The following ZW10 variants were observed in gnomAD, a reference collection of about 807,000 sequenced individuals.
The protein encoded by ZW10 is centromere/kinetochore protein zw10 homolog.
A neutral mutation model predicts 87.8 loss-of-function variants in ZW10; 53 were observed. That is an observed-to-expected ratio of 0.60 (90% CI 0.48 to 0.76). The LOEUF is 0.76. ZW10 is among the 30% of genes least tolerant of loss of function. The pLI, the probability that ZW10 is intolerant of heterozygous loss-of-function variation, is 0.00. For synonymous variants in ZW10, 312 were observed against 329.2 expected (o/e 0.95, Z 0.57); for missense variants, 837 against 923.0 (o/e 0.91, Z 1.21).
intron 7 of ZW10, among the ~76,000 whole-genome samples, chr11:113,750,322 A>C (rs1424939585): frequency 6.9e-6 from 1 of 145,576 alleles, no homozygotes; most frequent in Non-Finnish European, 1.5e-5. Flanking sequence ...TTTTTTTTTG[A>C]GATGAAGTTT....
chr11:113,750,458 C>T (rs1314995694), intron 7 of ZW10, among the ~76,000 whole-genome samples: 1 of 152,120 alleles, frequency 6.6e-6, no homozygotes, highest in Non-Finnish European at 1.5e-5. Context: ...CGCCCGCCAC[C>T]ACGCCCAGCT....
intron 9 of ZW10, among the ~76,000 whole-genome samples, chr11:113,744,852 G>A (rs536485051): frequency 5.1e-4 from 77 of 152,176 alleles, no homozygotes; most frequent in African/African-American, 1.8e-3. Flanking sequence ...AAACGCACCC[G>A]GCCCCAAGCA....
intron 14 of ZW10, 147 bp from the exon 15 acceptor site, chr11:113,736,969 C>T: frequency 1.5e-6 from 1 of 653,962 alleles, no homozygotes; most frequent in Non-Finnish European, 2.7e-6. Flanking sequence ...CTAGACACTA[C>T]ATCAGTTCTC....
chr11:113,762,276 C>G (rs780386914), intron 2 of ZW10, among the ~76,000 whole-genome samples: 15 of 152,002 alleles, frequency 9.9e-5, no homozygotes, highest in Middle Eastern at 3.2e-3. Context: ...AGTAAAAATA[C>G]AGCATAAAAA....
At chr11:113,744,425 C>G (rs1363512327) in intron 9 of ZW10, among the ~76,000 whole-genome samples, 1 of 152,054 alleles carries the variant, frequency 6.6e-6, no homozygotes, top group Non-Finnish European at 1.5e-5. Flanking sequence ...TATAAGCACA[C>G]GGTGAAGAAT....
In ZW10 at chr11:113,753,061, G is replaced by A. The variant is rs1351209183; in HGVS notation, c.925+4601C>T. On this transcript the variant is annotated intron_variant, in intron 7 of 15. Coordinates refer to ENST00000200135, the MANE Select transcript of ZW10 (RefSeq NM_004724.4). ...TTATATTAAGTTCAGGCGTACATGT[G>A]CAGGTTTGTTATATAGGTAAACTTG... Among the ~76,000 whole-genome samples, 6 of 151,788 alleles carry A rather than the reference G, an allele frequency of 4.0e-5. No individual in the cohort carries two copies. The East Asian group carries it at 1.2e-3, about 29-fold the overall frequency.
chr11:113,758,532 G>C (rs1953822237), intron 6 of ZW10, 22 bp downstream of exon 6: 1 of 1,608,620 alleles, frequency 6.2e-7, no homozygotes, highest in African/African-American at 1.3e-5. Flanking sequence ...TTGTGTAAAT[G>C]AAACAAAGTA....
At chr11:113,744,851 C>T (rs1316429066) in intron 9 of ZW10, among the ~76,000 whole-genome samples, 3 of 152,136 alleles carry the variant, frequency 2.0e-5, no homozygotes, top group Admixed American at 6.5e-5. Context: ...CAAACGCACC[C>T]GGCCCCAAGC....
chr11:113,769,906 G>T, intron 1 of ZW10: 1 of 313,540 alleles, frequency 3.2e-6, no homozygotes, highest in South Asian at 2.9e-5. Context: ...AGGCTTCCCT[G>T]ACCAAATGCT....
At chr11:113,745,012 A>C (rs997457204) in intron 9 of ZW10, among the ~76,000 whole-genome samples, 20 of 152,290 alleles carry the variant, frequency 1.3e-4, no homozygotes, top group African/African-American at 4.6e-4. Flanking sequence ...ATTCTTGAAC[A>C]AATTATTTTG....
chr11:113,751,169 G>T, intron 7 of ZW10: 1 of 236,428 alleles, frequency 4.2e-6, no homozygotes, highest in South Asian at 6.2e-5. Context: ...AGACACTGGA[G>T]GCACACATTG....
intron 1 of ZW10, among the ~76,000 whole-genome samples, chr11:113,771,068 C>T (rs191203350): frequency 6.6e-5 from 10 of 151,414 alleles, no homozygotes; most frequent in African/African-American, 2.2e-4. Flanking sequence ...TTCCACTTCC[C>T]GGGTTCAAGC....
intron 15 of ZW10, 95 bp downstream of exon 15, chr11:113,736,525 C>T (rs1953555013): frequency 3.1e-6 from 4 of 1,281,632 alleles, no homozygotes; most frequent in South Asian, 1.2e-5. Flanking sequence ...GCATGACTAA[C>T]ATCAGGAAAC....
Position 113,760,551 on chromosome 11 carries a change from C to G in ZW10, c.382G>C (p.Glu128Gln). 1 of 1,613,938 alleles carries G rather than the reference C, an allele frequency of 6.2e-7. No individual in the cohort carries two copies. Among genetic ancestry groups the G allele is most frequent in the Non-Finnish European group, 8.5e-7 (1 of 1,179,928 alleles). The change falls in exon 4 of 16, where the codon GAG (glutamate) becomes CAG (glutamine). Residue 128 changes from glutamate to glutamine, a missense_variant. Physicochemically the swap from Glu to Gln is conservative, Grantham distance 29. Coordinates refer to ENST00000200135, the MANE Select transcript of ZW10 (RefSeq NM_004724.4). The part of the protein sequence containing the change: ...AIEEYNCALT[E>Q]KKYVTGAQRL... ...TGAGCACCAGTGACATACTTCTTCTCTGTTAATGCACAATTATATTCTTCA... is the reference window on the plus strand; with the variant it reads ...TGAGCACCAGTGACATACTTCTTCTGTGTTAATGCACAATTATATTCTTCA...
chr11:113,761,966 C>A (rs950388585), intron 2 of ZW10, among the ~76,000 whole-genome samples: 23 of 152,068 alleles, frequency 1.5e-4, no homozygotes, highest in African/African-American at 5.3e-4. Context: ...ACTGTTCTTG[C>A]CAAAAAACAA....
At chr11:113,762,586 C>T (rs968220524) in intron 2 of ZW10, among the ~76,000 whole-genome samples, 1 of 151,340 alleles carries the variant, frequency 6.6e-6, no homozygotes, top group African/African-American at 2.4e-5. Flanking sequence ...GGCACAATCT[C>T]GGCTCACTGC....
intron 9 of ZW10, among the ~76,000 whole-genome samples, chr11:113,746,495 C>CAAAAAAAAAAAAAAAAAA (rs566009326): frequency 3.8e-5 from 4 of 105,330 alleles, no homozygotes; most frequent in Non-Finnish European, 7.4e-5. Flanking sequence ...ACAAAACAGT[C>CAAAAAAAAAAAAAAAAAA]AAAAAAAAAA....
chr11:113,739,313 G>A lies in ZW10; in HGVS notation c.1653C>T (p.His551=), dbSNP rs1273718339. 3 of 1,613,774 alleles carry A rather than the reference G, an allele frequency of 1.9e-6. No individual in the cohort carries two copies. The highest frequency in any genetic ancestry group is 1.7e-6 in the Non-Finnish European group (2 of 1,179,934). ...TGAACTGATGCCCGAGGGTCAGCAA[G>A]TGGTGAGCAATGTACATACAGTTGT... ...HHNNCMYIAH[H]LLTLGHQFRL... Residue 551 remains histidine, a synonymous_variant, in exon 12 of 16, where the codon CAC becomes CAT. Transcript: ENST00000200135.
chr11:113,769,109 C>A (rs974104941), intron 1 of ZW10, 142 bp from the exon 2 acceptor site: 6 of 763,124 alleles, frequency 7.9e-6, no homozygotes, highest in Non-Finnish European at 1.2e-5. Flanking sequence ...TCCCTCCAAG[C>A]CAATGAGTTT....
Sources: allele counts gnomAD v4.1 joint callset (sites outside exome capture counted in the v4.1 genomes callset), GRCh38; gene constraint gnomAD v4.1.1; transcripts MANE v1.5; gene names NCBI Gene and HGNC (gene_info 2026-07-23, HGNC 2026-07-21).